PCDHGA4: variants seen among roughly 807,000 people sequenced by gnomAD.
The protein encoded by PCDHGA4 is protocadherin gamma subfamily A, 4, also known as protocadherin gamma-A4.
Under a neutral mutation model 54.6 loss-of-function variants are expected in PCDHGA4, and 38 were observed. The ratio of observed to expected loss-of-function variants is 0.70; its 90% CI spans 0.54 to 0.91. The LOEUF is 0.91. Among genes scored for constraint, PCDHGA4 ranks in the 40% least tolerant of loss-of-function variants. PCDHGA4 has a pLI of 0.00. For missense variants in PCDHGA4, 1,298 were observed against 1,220.9 expected (o/e 1.06, Z -0.94); for synonymous variants, 511 against 512.9 (o/e 1.00, Z 0.05).
intron 1 of PCDHGA4, chr5:141,409,185 C>G (rs765063807): frequency 6.2e-7 from 1 of 1,614,024 alleles, no homozygotes; most frequent in South Asian, 1.1e-5. Flanking sequence ...GGTGGTCTCT[C>G]TACCCAGTGT....
rs765754054 is a variant in PCDHGA4 at position 141,503,598 on chromosome 5, CA to C, written c.2574-1779del. Among the ~76,000 whole-genome samples, 277 of 65,728 alleles carry C rather than the reference CA, an allele frequency of 4.2e-3. 2 individuals are homozygous for C. The highest frequency in any genetic ancestry group is 0.012 in the Middle Eastern group (1 of 86). The allele number at this position is 65,728 out of a possible 152,430, so 43.1% of individuals were successfully genotyped here. A position where few individuals can be genotyped will look rare whatever the true frequency, so the allele number is the denominator to read the frequency against. ...TGGGTGACAGAGCGAGACTCCAGCT[CA>C]AAAAAAAAAAAAAAAGAAAAAAGAA... On this transcript the variant is annotated intron_variant, in intron 2 of 3. Coordinates refer to ENST00000571252, the MANE Select transcript of PCDHGA4 (RefSeq NM_018917.4).
At chr5:141,433,487 C>T (rs1052153936) in intron 1 of PCDHGA4, among the ~76,000 whole-genome samples, 3 of 152,094 alleles carry the variant, frequency 2.0e-5, no homozygotes, top group African/African-American at 7.2e-5. Context: ...TCCTGCTTCT[C>T]CCTCCCAAAC....
At chr5:141,376,674 TCG>T in intron 1 of PCDHGA4, 1 of 648,166 alleles carries the variant, frequency 1.5e-6, no homozygotes, top group South Asian at 2.1e-5. Context: ...GGTGAGGGTA[TCG>T]TTTTTTTTTT....
At chr5:141,371,954 C>A in intron 1 of PCDHGA4, 1 of 1,613,274 alleles carries the variant, frequency 6.2e-7, no homozygotes, top group Non-Finnish European at 8.5e-7. Flanking sequence ...AGCGAGCCTT[C>A]GACCACGAGC....
At chr5:141,392,994 A>T in intron 1 of PCDHGA4, 1 of 1,613,910 alleles carries the variant, frequency 6.2e-7, no homozygotes, top group Non-Finnish European at 8.5e-7. Context: ...GAAGCTGGCG[A>T]AGCACGGAGT....
intron 1 of PCDHGA4, among the ~76,000 whole-genome samples, chr5:141,472,243 T>A (rs1276064128): frequency 6.6e-6 from 1 of 152,190 alleles, no homozygotes; most frequent in East Asian, 1.9e-4. Context: ...TCACTTTCTA[T>A]TTTAAAGTTA....
intron 1 of PCDHGA4, among the ~76,000 whole-genome samples, chr5:141,448,871 G>A (rs1326162054): frequency 6.6e-6 from 1 of 152,148 alleles, no homozygotes; most frequent in Non-Finnish European, 1.5e-5. Flanking sequence ...CGTGAACCTG[G>A]GAGGCGGAGC....
chr5:141,489,260 CACA>C lies in PCDHGA4; in HGVS notation c.2515-5546_2515-5544del, dbSNP rs1242559724. 1 of 1,552,022 alleles carries C rather than the reference CACA, an allele frequency of 6.4e-7. No individual in the cohort carries two copies. Among genetic ancestry groups the C allele is most frequent in the Non-Finnish European group, 8.7e-7 (1 of 1,149,038 alleles). ...TGGGTCATGGGGCCCAAGACACTCCCACAGCTCGCTGGGAAATGGCAAGTGCTG... is the reference window on the plus strand; with the variant it reads ...TGGGTCATGGGGCCCAAGACACTCCCGCTCGCTGGGAAATGGCAAGTGCTG... On this transcript the variant is annotated intron_variant, in intron 1 of 3. Coordinates refer to ENST00000571252, the MANE Select transcript of PCDHGA4 (RefSeq NM_018917.4). The surrounding 1 kb of genome is among the most constrained non-coding windows in gnomAD (Gnocchi z 4.5).
Position 141,476,468 on chromosome 5 carries a change from C to T in PCDHGA4, c.2515-18339C>T. 6.2e-7 allele frequency: 1 copy of T among 1,614,132 alleles called. No homozygotes were observed. Among genetic ancestry groups the T allele is most frequent in the Non-Finnish European group, 8.5e-7 (1 of 1,180,022 alleles). On this transcript the variant is annotated intron_variant, in intron 1 of 3. Coordinates refer to ENST00000571252, the MANE Select transcript of PCDHGA4 (RefSeq NM_018917.4). The surrounding 1 kb of genome is among the most constrained non-coding windows in gnomAD (Gnocchi z 7.6). ...GTTGGTAGTGGAGAACCCGCTGGAG[C>T]TGTTCAGCGTGGAAGTGGTGATCCA...
rs1384790784 is a variant in PCDHGA4, at chr5:141,431,800, G to T, written c.2515-63007G>T. 1 of 1,614,206 alleles carries T rather than the reference G, an allele frequency of 6.2e-7. No individual in the cohort carries two copies. Among genetic ancestry groups the T allele is most frequent in the African/African-American group, 1.3e-5 (1 of 75,054 alleles). ...ACGTGAACGACAATGCCCCAGAAGT[G>T]GTCCTCACCTCTCTCGCCAGCTCGG... On this transcript the variant is annotated intron_variant, in intron 1 of 3. Transcript: ENST00000571252. This position sits in a 1 kb window ranked among gnomAD's most constrained non-coding sequence, Gnocchi z 4.8.
chr5:141,410,245 C>T, intron 1 of PCDHGA4: 1 of 1,614,038 alleles, frequency 6.2e-7, no homozygotes. Context: ...GCCCTGTACT[C>T]TCTGACCCCC....
Position 141,489,252 on chromosome 5 carries a change from G to A in PCDHGA4, c.2515-5555G>A. 2 of 1,547,622 alleles carry A rather than the reference G, an allele frequency of 1.3e-6. No individual in the cohort carries two copies. Among genetic ancestry groups the A allele is most frequent in the Non-Finnish European group, 1.7e-6 (2 of 1,147,198 alleles). On this transcript the variant is annotated intron_variant, in intron 1 of 3. Coordinates refer to ENST00000571252, the MANE Select transcript of PCDHGA4 (RefSeq NM_018917.4). The surrounding 1 kb of genome is among the most constrained non-coding windows in gnomAD (Gnocchi z 4.5). ...GGGACTTCTGGGTCATGGGGCCCAAGACACTCCCACAGCTCGCTGGGAAAT... is the reference window on the plus strand; with the variant it reads ...GGGACTTCTGGGTCATGGGGCCCAAAACACTCCCACAGCTCGCTGGGAAAT...
At chr5:141,410,787 T>C in intron 1 of PCDHGA4, 2 of 844,672 alleles carry the variant, frequency 2.4e-6, no homozygotes, top group South Asian at 4.4e-5. Flanking sequence ...TGTATTTGGT[T>C]CATAAGTTGC....
chr5:141,453,721 A>G (rs373983847), intron 1 of PCDHGA4, among the ~76,000 whole-genome samples: 4 of 152,244 alleles, frequency 2.6e-5, no homozygotes, highest in East Asian at 1.9e-4. Flanking sequence ...CTATAAAAAT[A>G]TTTGTTACTA....
chr5:141,502,615 A>G (rs2099815317), intron 2 of PCDHGA4, among the ~76,000 whole-genome samples: 1 of 152,218 alleles, frequency 6.6e-6, no homozygotes, highest in Non-Finnish European at 1.5e-5. Context: ...TTGTGAAAAT[A>G]TAAGTAATCT....
intron 1 of PCDHGA4, chr5:141,410,671 C>T: frequency 1.3e-6 from 2 of 1,563,260 alleles, no homozygotes; most frequent in Non-Finnish European, 1.7e-6. Context: ...ACTAGTTTCT[C>T]ATATTTTAGG....
chr5:141,364,661 G>A (rs369366226), intron 1 of PCDHGA4: 127 of 1,614,028 alleles, frequency 7.9e-5, no homozygotes, highest in Non-Finnish European at 1.0e-4. Flanking sequence ...CATCTTGGTT[G>A]AGAACAAAAT....
intron 1 of PCDHGA4, among the ~76,000 whole-genome samples, chr5:141,466,613 C>T (rs772278295): frequency 1.2e-4 from 19 of 152,144 alleles, no homozygotes; most frequent in Non-Finnish European, 2.4e-4. Context: ...TGTAAACTGC[C>T]GTTTTCTTTG....
intron 1 of PCDHGA4, chr5:141,410,110 C>A (rs1361292941): frequency 6.2e-7 from 1 of 1,612,540 alleles, no homozygotes; most frequent in Admixed American, 1.7e-5. Flanking sequence ...GCGACAGGGA[C>A]GCAGCCCGCC....
Sources: allele counts gnomAD v4.1 joint callset (sites outside exome capture counted in the v4.1 genomes callset), GRCh38; gene constraint gnomAD v4.1.1; non-coding constraint Gnocchi (gnomAD v3.1); transcripts MANE v1.5; gene names NCBI Gene and HGNC (gene_info 2026-07-23, HGNC 2026-07-21).